CRLF2: variants seen among roughly 807,000 people sequenced by gnomAD.
CRLF2 encodes the protein cytokine receptor like factor 2.
Under a neutral mutation model 38.7 loss-of-function variants are expected in CRLF2, and 41 were observed. The observed-to-expected ratio is 1.06, with a 90% CI of 0.83 to 1.37. The LOEUF is 1.37. CRLF2 is among the 40% of genes most tolerant of loss of function. The pLI is 0.00. For missense variants in CRLF2, 377 were observed against 322.2 expected, an observed-to-expected ratio of 1.17 and a Z score of -1.30; for synonymous variants, 140 against 128.8, an observed-to-expected ratio of 1.09 and a Z score of -0.59.
intron 7 of CRLF2, among the ~76,000 whole-genome samples, chrX:1,191,692 C>T (rs1290189897): frequency 1.5e-4 from 23 of 151,622 alleles, no homozygotes; most frequent in African/African-American, 4.8e-4. Context: ...CCACCACACA[C>T]GGCTAATTTT....
At chrX:1,209,024 A>C in intron 1 of CRLF2, 116 bp from the exon 2 acceptor site, 1 of 649,104 alleles carries the variant, frequency 1.5e-6, no homozygotes. Flanking sequence ...CTGGAGTACA[A>C]TGGCACGATC....
chrX:1,197,894 C>T (rs1196449601), intron 5 of CRLF2, among the ~76,000 whole-genome samples: 3 of 151,384 alleles, frequency 2.0e-5, no homozygotes, highest in East Asian at 3.9e-4. Flanking sequence ...CCCAGGCACT[C>T]GGGAGGCTGA....
At chrX:1,191,915 G>A (rs2086387295) in intron 7 of CRLF2, among the ~76,000 whole-genome samples, 1 of 151,956 alleles carries the variant, frequency 6.6e-6, no homozygotes, top group African/African-American at 2.4e-5. Context: ...TTAAAACCTA[G>A]TTTGAGCCAG....
chrX:1,202,114 GATAAA>G (rs2086618799), intron 4 of CRLF2, among the ~76,000 whole-genome samples: 1 of 152,004 alleles, frequency 6.6e-6, no homozygotes. Flanking sequence ...TAGAGGTAGA[GATAAA>G]ATAGAATGAT....
chrX:1,204,362 G>A (rs1166639255), intron 3 of CRLF2, among the ~76,000 whole-genome samples: 2 of 151,988 alleles, frequency 1.3e-5, no homozygotes, highest in East Asian at 3.9e-4. Flanking sequence ...CCGAGTAGCT[G>A]GGATTACAGG....
chrX:1,208,775 G>T, intron 2 of CRLF2, 31 bp downstream of exon 2: 2 of 1,288,952 alleles, frequency 1.6e-6, no homozygotes, highest in African/African-American at 1.5e-5. Flanking sequence ...AGCCCCCTGG[G>T]CGTGGGGTTC....
intron 5 of CRLF2, among the ~76,000 whole-genome samples, chrX:1,197,992 G>A (rs1226420255): frequency 2.0e-5 from 3 of 151,904 alleles, no homozygotes; most frequent in Non-Finnish European, 2.9e-5. Context: ...CCATGAGAAT[G>A]TTTCTCAAAA....
At position 1,202,522 on chromosome X, in the gene CRLF2, G is replaced by A. The variant is rs374854125; in HGVS notation, c.363C>T (p.Ser121=). The change falls in exon 4 of 8, where the codon TCC becomes TCT. Residue 121 remains serine, a synonymous_variant. Transcript: ENST00000400841. ...GCCACGAAAATCTCACGTGCTTCGG[G>A]GAACTGGGTTTCACTGAGAAGAAGA... ...RWMVYYLKPS[S]PKHVRFSWHQ... 9.9e-6 allele frequency: 16 copies of A among 1,613,576 alleles called. No individual in the cohort carries two copies. The African/African-American group carries it at 1.9e-4, about 19-fold the overall frequency.
At chrX:1,193,353 G>C (rs1367441486) in intron 6 of CRLF2, 51 bp from the exon 7 acceptor site, 56 of 398,542 alleles carry the variant, frequency 1.4e-4, no homozygotes, top group African/African-American at 9.6e-4. Context: ...CCCGCAGGAA[G>C]GGTTGGCAAG....
intron 1 of CRLF2, among the ~76,000 whole-genome samples, chrX:1,211,308 GGTGA>G (rs2086794779): frequency 3.4e-5 from 5 of 147,054 alleles, no homozygotes; most frequent in Non-Finnish European, 4.5e-5. Context: ...TAAAAGTGTG[GGTGA>G]ATGCATGGAT....
chrX:1,204,150 C>CCGTGTGTGTGTGTGTGTGTGTG (rs1387456703), intron 3 of CRLF2, among the ~76,000 whole-genome samples: 8 of 124,712 alleles, frequency 6.4e-5, no homozygotes, highest in Non-Finnish European at 1.2e-4. Flanking sequence ...CCAGCTCACT[C>CCGTGTGTGTGTGTGTGTGTGTG]TGTGTGTGTG....
At chrX:1,192,331 T>C (rs1461126624) in intron 7 of CRLF2, among the ~76,000 whole-genome samples, 5 of 151,346 alleles carry the variant, frequency 3.3e-5, no homozygotes, top group South Asian at 4.2e-4. Context: ...AATCAACACA[T>C]AGGACACAAA....
intron 6 of CRLF2, 146 bp from the exon 7 acceptor site, chrX:1,193,448 C>T (rs1422043445): frequency 2.5e-4 from 100 of 395,612 alleles, no homozygotes; most frequent in African/African-American, 1.9e-3. Flanking sequence ...TCTCCTCCCG[C>T]TCCCCAGGGA....
intron 5 of CRLF2, 130 bp from the exon 6 acceptor site, chrX:1,197,030 C>T: frequency 5.7e-6 from 4 of 700,276 alleles, no homozygotes; most frequent in South Asian, 3.5e-5. Flanking sequence ...TTTCTTGGTT[C>T]TCGTTGTTTG....
In CRLF2 at chrX:1,196,219, G is replaced by A. The variant is rs1417656561; in HGVS notation, c.767+561C>T. 5.2e-5 allele frequency among the ~76,000 whole-genome samples: 7 copies of A among 134,018 alleles called. No homozygotes were observed. The South Asian group carries it at 9.2e-4, about 18-fold the overall frequency. The allele number at this position is 134,018 out of a possible 152,430, so 87.9% of individuals were successfully genotyped here. A position where few individuals can be genotyped will look rare whatever the true frequency, so the allele number is the denominator to read the frequency against. On this transcript the variant is annotated intron_variant, in intron 6 of 7. Coordinates refer to ENST00000400841, the MANE Select transcript of CRLF2 (RefSeq NM_022148.4). Reference sequence around the variant, plus strand: ...TTTTTTTTTTTTGAGACAGAGTCTCGCTCTGTCGCCCAGGCTGGAGTGCAG... The same window carrying A: ...TTTTTTTTTTTTGAGACAGAGTCTCACTCTGTCGCCCAGGCTGGAGTGCAG...
Position 1,202,643 on chromosome X carries a change from T to C in CRLF2, c.350-108A>G, listed in dbSNP as rs761972560. The C allele has an allele frequency of 4.4e-5, 54 of 1,233,270 alleles. No homozygotes were observed. The African/African-American group carries it at 1.2e-3, about 28-fold the overall frequency. The allele number at this position is 1,233,270 out of a possible 1,614,324, so 76.4% of individuals were successfully genotyped here. A position where few individuals can be genotyped will look rare whatever the true frequency, so the allele number is the denominator to read the frequency against. ...TGTACCCCTCCTCCCCTTAATACCT[T>C]ATGGTGTCTCGGGGTTCACCCGTCC... On this transcript the variant is annotated intron_variant, in intron 3 of 7. Coordinates refer to ENST00000400841, the MANE Select transcript of CRLF2 (RefSeq NM_022148.4).
chrX:1,192,052 A>T (rs1393950899), intron 7 of CRLF2, among the ~76,000 whole-genome samples: 4 of 147,916 alleles, frequency 2.7e-5, no homozygotes, highest in Non-Finnish European at 6.0e-5. Context: ...AAAAATACAA[A>T]AAATCAGCCG....
chrX:1,202,885 G>T (rs1258801975), intron 3 of CRLF2, among the ~76,000 whole-genome samples: 23 of 151,928 alleles, frequency 1.5e-4, no homozygotes, highest in Non-Finnish European at 2.6e-4. Context: ...GAGGCGGGTG[G>T]ATCACCTGAA....
chrX:1,197,043 T>G, intron 5 of CRLF2, 143 bp from the exon 6 acceptor site: 1 of 680,252 alleles, frequency 1.5e-6, no homozygotes. Context: ...GTTGTTTGTT[T>G]TTTGTTTTGT....
Sources: gnomAD v4.1 joint callset for allele counts (sites outside exome capture counted in the v4.1 genomes callset) on GRCh38, gnomAD v4.1.1 for gene constraint, MANE v1.5 for transcripts, NCBI Gene and HGNC (gene_info 2026-07-23, HGNC 2026-07-21) for gene names.